Variants in PLCL2 observed in about 807,000 individuals in gnomAD.
PLCL2 encodes the protein phospholipase C like 2, also known as inactive phospholipase C-like protein 2.
Under a neutral mutation model 79.6 loss-of-function variants are expected in PLCL2, and 4 were observed. That is an observed-to-expected ratio of 0.05 (90% CI 0.02 to 0.11). The LOEUF is 0.11. PLCL2 is among the 10% of genes least tolerant of loss of function. PLCL2 has a pLI of 1.00. For missense variants in PLCL2, 895 were observed against 1,291.0 expected (o/e 0.69, Z 4.70); for synonymous variants, 484 against 457.7 (o/e 1.06, Z -0.73).
chr3:17,036,102 A>C (rs1319522046), intron 3 of PLCL2, among the ~76,000 whole-genome samples: 1 of 152,102 alleles, frequency 6.6e-6, no homozygotes, highest in Non-Finnish European at 1.5e-5. Context: ...GCTGGAAGGG[A>C]GGACGACCAC....
At chr3:16,927,304 A>G (rs376358039) in intron 1 of PLCL2, among the ~76,000 whole-genome samples, 1 of 152,228 alleles carries the variant, frequency 6.6e-6, no homozygotes, top group Non-Finnish European at 1.5e-5. Flanking sequence ...ATTGCTCCAT[A>G]ATATTATGCT....
Position 16,886,081 on chromosome 3 carries a change from G to A in PLCL2, c.327+715G>A, listed in dbSNP as rs1696214930. ...TTTTGCTTGCACAGTGTTAGCGGAA[G>A]AAAGCCAGCGATTGTTTTGAGCATT... On this transcript the variant is annotated intron_variant, in intron 1 of 5. Coordinates refer to ENST00000615277, the MANE Select transcript of PLCL2 (RefSeq NM_001144382.2). The surrounding 1 kb of genome is among the most constrained non-coding windows in gnomAD (Gnocchi z 4.2). 6.6e-6 allele frequency among the ~76,000 whole-genome samples: 1 copy of A among 152,230 alleles called. No individual in the cohort carries two copies. The highest frequency in any genetic ancestry group is 2.4e-5 in the African/African-American group (1 of 41,470).
chr3:16,964,579 C>T (rs1200056389), intron 1 of PLCL2, among the ~76,000 whole-genome samples: 1 of 152,154 alleles, frequency 6.6e-6, no homozygotes, highest in Non-Finnish European at 1.5e-5. Flanking sequence ...GTTCTAGATC[C>T]TTGAGGAATC....
At chr3:17,087,031 C>A (rs370817292) in intron 5 of PLCL2, among the ~76,000 whole-genome samples, 1 of 152,190 alleles carries the variant, frequency 6.6e-6, no homozygotes, top group African/African-American at 2.4e-5. Context: ...ACAACAGGAA[C>A]TTTCATTTAT....
intron 1 of PLCL2, among the ~76,000 whole-genome samples, chr3:16,972,490 G>C (rs183892502): frequency 7.2e-5 from 11 of 152,218 alleles, no homozygotes; most frequent in Non-Finnish European, 1.6e-4. Context: ...TTGGGGTGGA[G>C]AGTTCTGTAG....
rs557035107 is a variant in PLCL2 at position 16,997,792 on chromosome 3, C to T, written c.328-11882C>T. 4.2e-4 allele frequency among the ~76,000 whole-genome samples: 64 copies of T among 152,232 alleles called. 1 individual carries two copies. The highest frequency in any genetic ancestry group is 1.4e-3 in the African/African-American group (57 of 41,538). On this transcript the variant is annotated intron_variant, in intron 1 of 5. Transcript: ENST00000615277. Reference sequence around the variant, plus strand: ...TGACCTCATGATCCACCTGCCTCGGCCTCCCAAAGTGCTGGGATTACAGGC... The same window carrying T: ...TGACCTCATGATCCACCTGCCTCGGTCTCCCAAAGTGCTGGGATTACAGGC...
intron 4 of PLCL2, among the ~76,000 whole-genome samples, chr3:17,046,331 A>G (rs2064780141): frequency 6.6e-6 from 1 of 152,172 alleles, no homozygotes; most frequent in Non-Finnish European, 1.5e-5. Flanking sequence ...TATCAGGGCC[A>G]AAGTCTTTTC....
chr3:16,990,906 A>T lies in PLCL2; in HGVS notation c.328-18768A>T, dbSNP rs568297915. Among the ~76,000 whole-genome samples the T allele has an allele frequency of 5.2e-4, 79 of 152,294 alleles. No homozygotes were observed. In the Middle Eastern group the frequency reaches 0.01, roughly 20 times the overall value. ...AGGCCAAATGAGATTGAGATTGGTG[A>T]TGCCACCCAAAGGTTGTCAACAGCA... is the stretch of plus-strand genomic sequence containing the variant. On this transcript the variant is annotated intron_variant, in intron 1 of 5. Transcript: ENST00000615277.
chr3:16,943,446 A>G (rs2063572874), intron 1 of PLCL2, among the ~76,000 whole-genome samples: 1 of 152,230 alleles, frequency 6.6e-6, no homozygotes, highest in Non-Finnish European at 1.5e-5. Context: ...GCAGCAAATT[A>G]TGAAGGAAAT....
rs186754800 is a variant in PLCL2 at position 17,084,591 on chromosome 3, G to A, written c.3205-5142G>A. On this transcript the variant is annotated intron_variant, in intron 5 of 5. Transcript: ENST00000615277. ...AAGAATTATTCACCATGATCAAATG[G>A]GATTTATACTGGGTATACAAGGTTG... Among the ~76,000 whole-genome samples the A allele has an allele frequency of 3.2e-3, 489 of 152,118 alleles. 2 individuals are homozygous for A. The highest frequency in any genetic ancestry group is 4.9e-3 in the Non-Finnish European group (336 of 67,980).
intron 1 of PLCL2, among the ~76,000 whole-genome samples, chr3:16,908,296 C>A (rs1696795312): frequency 6.6e-6 from 1 of 152,094 alleles, no homozygotes; most frequent in Admixed American, 6.5e-5. Context: ...CATATTTTTA[C>A]CATCCACAAT....
chr3:16,944,798 C>T (rs6798989), intron 1 of PLCL2, among the ~76,000 whole-genome samples: 18,948 of 150,812 alleles, frequency 0.13, 1,381 homozygotes, highest in African/African-American at 0.19. Flanking sequence ...CTCCTTCTGT[C>T]GCCCAGGCTG....
chr3:16,885,631 A>G (rs1169004043), intron 1 of PLCL2, among the ~76,000 whole-genome samples: 1 of 152,246 alleles, frequency 6.6e-6, no homozygotes, highest in Non-Finnish European at 1.5e-5. Context: ...GTCTGGCATT[A>G]GGGCCTTGTA....
intron 1 of PLCL2, among the ~76,000 whole-genome samples, chr3:16,925,736 C>G (rs1697231166): frequency 6.6e-6 from 1 of 152,174 alleles, no homozygotes; most frequent in Non-Finnish European, 1.5e-5. Flanking sequence ...GAAAAATATT[C>G]CATTGTATGG....
chr3:17,031,725 G>A (rs934404875), intron 3 of PLCL2, among the ~76,000 whole-genome samples: 1 of 152,134 alleles, frequency 6.6e-6, no homozygotes, highest in Non-Finnish European at 1.5e-5. Context: ...TTCTGGTCAT[G>A]TAAGGTTGAT....
intron 3 of PLCL2, among the ~76,000 whole-genome samples, chr3:17,033,340 G>A (rs961811644): frequency 6.6e-6 from 1 of 152,144 alleles, no homozygotes; most frequent in Non-Finnish European, 1.5e-5. Context: ...AGACTTATAT[G>A]ACGCCAAAAC....
At chr3:17,058,367 G>C (rs1467828991) in intron 4 of PLCL2, among the ~76,000 whole-genome samples, 1 of 152,166 alleles carries the variant, frequency 6.6e-6, no homozygotes, top group Non-Finnish European at 1.5e-5. Flanking sequence ...GCATGTAAAA[G>C]AATTTCGTAT....
intron 1 of PLCL2, among the ~76,000 whole-genome samples, chr3:16,914,797 C>T (rs1047141066): frequency 1.2e-4 from 19 of 152,066 alleles, no homozygotes; most frequent in African/African-American, 4.3e-4. Flanking sequence ...AGTGCAGTGG[C>T]ATGAACATAG....
At chr3:17,089,169 T>C (rs1341820557) in intron 5 of PLCL2, among the ~76,000 whole-genome samples, 2 of 152,166 alleles carry the variant, frequency 1.3e-5, no homozygotes, top group African/African-American at 4.8e-5. Flanking sequence ...TGTGCCTTGG[T>C]TGCCACGGTG....
Sources: allele counts gnomAD v4.1 joint callset (sites outside exome capture counted in the v4.1 genomes callset), GRCh38; gene constraint gnomAD v4.1.1; non-coding constraint Gnocchi (gnomAD v3.1); transcripts MANE v1.5; gene names NCBI Gene and HGNC (gene_info 2026-07-23, HGNC 2026-07-21).